L3MBTL4: variants seen among roughly 807,000 people sequenced by gnomAD.
L3MBTL4 encodes the protein L3MBTL histone methyl-lysine binding protein 4, also known as lethal(3)malignant brain tumor-like protein 4.
A neutral mutation model predicts 84.5 loss-of-function variants in L3MBTL4; 70 were observed. The ratio of observed to expected loss-of-function variants is 0.83; its 90% confidence interval spans 0.68 to 1.01. The LOEUF (loss-of-function observed/expected upper bound fraction) is 1.01, where lower values mean the gene tolerates loss of function less well. Among genes scored for constraint, L3MBTL4 ranks in the 50% least tolerant of loss-of-function variants. The probability of loss-of-function intolerance (pLI) is 0.00; values close to 1 mark genes in which losing one functional copy is unlikely to be tolerated. For synonymous variants in L3MBTL4, 274 were observed against 259.8 expected (o/e 1.05, Z -0.52); for missense variants, 715 against 754.8 (o/e 0.95, Z 0.62).
At chr18:6,056,636 C>A (rs751612601) in intron 16 of L3MBTL4, among the ~76,000 whole-genome samples, 21 of 152,116 alleles carry the variant, frequency 1.4e-4, no homozygotes, top group African/African-American at 5.1e-4. Flanking sequence ...AGCCACAAAG[C>A]GAGTTTGTGG....
chr18:6,229,822 C>T (rs1264539354), intron 10 of L3MBTL4, among the ~76,000 whole-genome samples: 1 of 152,126 alleles, frequency 6.6e-6, no homozygotes, highest in Non-Finnish European at 1.5e-5. Flanking sequence ...TATTCTACTC[C>T]ACTCTCTATT....
intron 13 of L3MBTL4, among the ~76,000 whole-genome samples, chr18:6,154,609 C>T (rs536222925): frequency 7.9e-5 from 12 of 152,276 alleles, no homozygotes; most frequent in African/African-American, 2.2e-4. Flanking sequence ...GTGTGATTAT[C>T]GTACAGCATG....
chr18:6,156,385 A>C (rs948532159), intron 13 of L3MBTL4, among the ~76,000 whole-genome samples: 1 of 152,208 alleles, frequency 6.6e-6, no homozygotes, highest in Non-Finnish European at 1.5e-5. Context: ...TTACCACAAC[A>C]ACAATGAGAT....
chr18:6,010,655 G>T (rs973270771), intron 16 of L3MBTL4, among the ~76,000 whole-genome samples: 2 of 152,040 alleles, frequency 1.3e-5, no homozygotes, highest in Admixed American at 1.3e-4. Flanking sequence ...CCCGCAACCC[G>T]CTTTAACCCA....
intron 16 of L3MBTL4, among the ~76,000 whole-genome samples, chr18:6,007,398 A>C (rs1041278512): frequency 1.3e-5 from 2 of 152,204 alleles, no homozygotes; most frequent in Admixed American, 6.5e-5. Flanking sequence ...ATGCAAATTA[A>C]ATTTATACCA....
intron 12 of L3MBTL4, among the ~76,000 whole-genome samples, chr18:6,209,445 CAAAA>C (rs60613997): frequency 7.9e-5 from 9 of 113,994 alleles, no homozygotes; most frequent in African/African-American, 2.8e-4. Flanking sequence ...ACTAAACTGG[CAAAA>C]AAAAAAAAAA....
intron 16 of L3MBTL4, among the ~76,000 whole-genome samples, chr18:6,038,292 C>A (rs577801285): frequency 7.5e-6 from 1 of 132,488 alleles, no homozygotes; most frequent in Non-Finnish European, 1.5e-5. Context: ...CTTGCTCTGT[C>A]GCCCAAGCTG....
At chr18:6,026,164 A>C (rs2055496288) in intron 16 of L3MBTL4, among the ~76,000 whole-genome samples, 1 of 152,214 alleles carries the variant, frequency 6.6e-6, no homozygotes, top group Non-Finnish European at 1.5e-5. Context: ...GAAATATAAA[A>C]ATAGGACATC....
chr18:6,370,110 T>C (rs1352640677), intron 1 of L3MBTL4, among the ~76,000 whole-genome samples: 1 of 136,522 alleles, frequency 7.3e-6, no homozygotes, highest in Admixed American at 8.3e-5. Flanking sequence ...CTCCAGCCTG[T>C]GTGACAGAGT....
chr18:6,361,380 C>A (rs1430394581), intron 1 of L3MBTL4, among the ~76,000 whole-genome samples: 4 of 152,166 alleles, frequency 2.6e-5, no homozygotes, highest in Non-Finnish European at 5.9e-5. Flanking sequence ...GCCGTCTGCC[C>A]CAACCGTGCA....
At chr18:5,968,055 G>T (rs2052440901) in intron 17 of L3MBTL4, among the ~76,000 whole-genome samples, 1 of 152,248 alleles carries the variant, frequency 6.6e-6, no homozygotes, top group South Asian at 2.1e-4. Flanking sequence ...AGAGGGCAGA[G>T]GAGACACACT....
intron 10 of L3MBTL4, among the ~76,000 whole-genome samples, chr18:6,216,714 T>C (rs1377917200): frequency 6.6e-6 from 1 of 152,192 alleles, no homozygotes; most frequent in Non-Finnish European, 1.5e-5. Context: ...ATATGTATTC[T>C]TCTCACTTTT....
At chr18:6,170,804 A>G (rs962890872) in intron 13 of L3MBTL4, among the ~76,000 whole-genome samples, 5 of 152,142 alleles carry the variant, frequency 3.3e-5, no homozygotes, top group African/African-American at 1.2e-4. Flanking sequence ...CAGGGAGGAT[A>G]AAAAGCGAGA....
chr18:5,978,712 T>C (rs2053072967), intron 16 of L3MBTL4, among the ~76,000 whole-genome samples: 1 of 152,184 alleles, frequency 6.6e-6, no homozygotes, highest in South Asian at 2.1e-4. Flanking sequence ...AAATAAGCCA[T>C]TACAGTGCCT....
rs759479445 is a variant in L3MBTL4, at chr18:6,093,430, G to C, written c.1298C>G (p.Ser433Cys). ...GAGGCTTTTTGATTTTGAATGTGAAGAGTCTGATTCCAAATTTGCCTGTGT... is the reference window on the plus strand; with the variant it reads ...GAGGCTTTTTGATTTTGAATGTGAACAGTCTGATTCCAAATTTGCCTGTGT... The part of the protein sequence containing the change: ...EQTQANLESD[S>C]SHSKSKSLCS... Residue 433 changes from serine to cysteine, a missense_variant, in exon 15 of 19, where the codon TCT becomes TGT. Physicochemically the swap from Ser to Cys is moderately radical, Grantham distance 112. Transcript: ENST00000317931. 1 of 1,613,938 alleles carries C rather than the reference G, an allele frequency of 6.2e-7. No homozygotes were observed. The highest frequency in any genetic ancestry group is 8.5e-7 in the Non-Finnish European group (1 of 1,179,922).
chr18:5,962,514 G>C (rs1163827510), intron 17 of L3MBTL4, among the ~76,000 whole-genome samples: 1 of 152,156 alleles, frequency 6.6e-6, no homozygotes, highest in Non-Finnish European at 1.5e-5. Context: ...CAGCAGCGGG[G>C]AGCCCTGAGC....
chr18:6,316,881 C>G (rs2051132600), intron 1 of L3MBTL4, among the ~76,000 whole-genome samples: 1 of 152,060 alleles, frequency 6.6e-6, no homozygotes, highest in South Asian at 2.1e-4. Context: ...CATCTGCCCA[C>G]TATTGGGTAC....
Position 6,240,803 on chromosome 18 carries a change from C to T in L3MBTL4, c.552+555G>A, listed in dbSNP as rs1348763827. ...GGAGAAATTCAGTGAGTGGCCTGCA[C>T]AGTGACACCGCCTGCCAGTGGCAGA... On this transcript the variant is annotated intron_variant, in intron 8 of 18. Transcript: ENST00000317931. 7.9e-5 allele frequency among the ~76,000 whole-genome samples: 12 copies of T among 152,228 alleles called. 1 individual carries two copies. The highest frequency in any genetic ancestry group is 1.6e-4 in the Non-Finnish European group (11 of 68,044).
chr18:6,029,638 T>C (rs2055683457), intron 16 of L3MBTL4: 5 of 985,064 alleles, frequency 5.1e-6, no homozygotes, highest in Non-Finnish European at 4.8e-6. Flanking sequence ...AAACTTAAAA[T>C]GCAATTACAG....
Sources: allele counts gnomAD v4.1 joint callset (sites outside exome capture counted in the v4.1 genomes callset), GRCh38; gene constraint gnomAD v4.1.1; transcripts MANE v1.5; gene names NCBI Gene and HGNC (gene_info 2026-07-23, HGNC 2026-07-21).